GPR158: variants seen among roughly 807,000 people sequenced by gnomAD.
GPR158 encodes metabotropic glycine receptor.
Under a neutral mutation model 78.2 loss-of-function variants are expected in GPR158, and 30 were observed. That is an observed-to-expected ratio of 0.38 (90% confidence interval 0.29 to 0.52). The LOEUF (loss-of-function observed/expected upper bound fraction) is 0.52. Ranked by LOEUF, GPR158 falls within the 20% of genes least tolerant of loss-of-function variation. GPR158 has a pLI of 0.83. For synonymous variants in GPR158, 581 were observed against 591.1 expected, an observed-to-expected ratio of 0.98 and a Z score of 0.25; for missense variants, 1,463 against 1,523.5, an observed-to-expected ratio of 0.96 and a Z score of 0.66.
rs1224620006 is a variant in GPR158, at chr10:25,599,344, A to C, written c.*70A>C. The stretch of plus-strand genomic sequence containing the variant: ...ATGAGACAGAAGATATAAGAATCAA[A>C]TATTCCCAAGGAGGATTTGTCAATC... On this transcript the variant is annotated 3_prime_UTR_variant, in exon 11 of 11. Transcript: ENST00000376351. The C allele has an allele frequency of 1.7e-6, 2 of 1,160,672 alleles. No homozygotes were observed. The highest frequency in any genetic ancestry group is 3.1e-5 in the African/African-American group (2 of 63,744). The allele number at this position is 1,160,672 out of a possible 1,614,324, so 71.9% of individuals were successfully genotyped here.
At chr10:25,217,456 A>T (rs1369313899) in intron 1 of GPR158, among the ~76,000 whole-genome samples, 1 of 152,192 alleles carries the variant, frequency 6.6e-6, no homozygotes, top group African/African-American at 2.4e-5. Context: ...ATGTGTATTC[A>T]TGATTTTGTT....
At chr10:25,474,806 C>CTACTG (rs1835559771) in intron 5 of GPR158, among the ~76,000 whole-genome samples, 1 of 152,188 alleles carries the variant, frequency 6.6e-6, no homozygotes, top group South Asian at 2.1e-4. Flanking sequence ...AAACTAGTGC[C>CTACTG]TACTGTCCTG....
chr10:25,575,608 C>T (rs1332483805), intron 7 of GPR158, among the ~76,000 whole-genome samples: 5 of 152,220 alleles, frequency 3.3e-5, no homozygotes, highest in South Asian at 2.1e-4. Context: ...GCTGACTCCA[C>T]GGAGGGAGTC....
chr10:25,480,178 C>T (rs1385454292), intron 5 of GPR158, among the ~76,000 whole-genome samples: 1 of 152,026 alleles, frequency 6.6e-6, no homozygotes, highest in Non-Finnish European at 1.5e-5. Context: ...TGAGAATTAC[C>T]TACTTGAATC....
At chr10:25,430,228 G>A (rs1483742046) in intron 4 of GPR158, among the ~76,000 whole-genome samples, 2 of 151,972 alleles carry the variant, frequency 1.3e-5, no homozygotes, top group Non-Finnish European at 2.9e-5. Flanking sequence ...CAGACAAACA[G>A]AGAGCCAAAT....
At chr10:25,470,584 C>T (rs1310339644) in intron 5 of GPR158, among the ~76,000 whole-genome samples, 1 of 152,002 alleles carries the variant, frequency 6.6e-6, no homozygotes, top group Non-Finnish European at 1.5e-5. Context: ...TAAAGTCATC[C>T]ATATTAAGTT....
chr10:25,398,956 G>A (rs906887683), intron 3 of GPR158, among the ~76,000 whole-genome samples: 2 of 152,126 alleles, frequency 1.3e-5, no homozygotes, highest in South Asian at 2.1e-4. Flanking sequence ...GAACCAGGCC[G>A]CACAGCAGAA....
intron 4 of GPR158, among the ~76,000 whole-genome samples, chr10:25,434,257 A>T (rs891526426): frequency 1.3e-5 from 2 of 152,204 alleles, no homozygotes; most frequent in African/African-American, 4.8e-5. Context: ...AGAATGAGTA[A>T]AGTGATTATA....
intron 2 of GPR158, among the ~76,000 whole-genome samples, chr10:25,236,885 G>A (rs1053124492): frequency 6.6e-6 from 1 of 152,124 alleles, no homozygotes; most frequent in African/African-American, 2.4e-5. Context: ...TTTGTCAAAT[G>A]TGTATGCATG....
At chr10:25,455,800 A>G (rs1835283610) in intron 4 of GPR158, among the ~76,000 whole-genome samples, 1 of 152,214 alleles carries the variant, frequency 6.6e-6, no homozygotes, top group East Asian at 1.9e-4. Flanking sequence ...AATTTAGTGA[A>G]GCAAATGACT....
intron 5 of GPR158, among the ~76,000 whole-genome samples, chr10:25,516,392 A>G (rs1168834222): frequency 3.9e-5 from 6 of 151,978 alleles, no homozygotes; most frequent in Non-Finnish European, 5.9e-5. Flanking sequence ...CCATTTGTCA[A>G]TTTTGGCTTT....
intron 4 of GPR158, among the ~76,000 whole-genome samples, chr10:25,439,067 T>A (rs1219660751): frequency 6.6e-6 from 1 of 152,204 alleles, no homozygotes; most frequent in Non-Finnish European, 1.5e-5. Flanking sequence ...CTGGAAGGCC[T>A]GAAATATTTG....
At chr10:25,363,591 T>A (rs1369256394) in intron 2 of GPR158, among the ~76,000 whole-genome samples, 1 of 151,960 alleles carries the variant, frequency 6.6e-6, no homozygotes, top group Non-Finnish European at 1.5e-5. Flanking sequence ...AAAGATTTTA[T>A]AATCATAGAG....
At chr10:25,236,921 G>A (rs569718372) in intron 2 of GPR158, among the ~76,000 whole-genome samples, 3 of 152,102 alleles carry the variant, frequency 2.0e-5, no homozygotes, top group Admixed American at 6.5e-5. Context: ...GTATATAAAT[G>A]TATATGAAGT....
At chr10:25,285,954 C>T (rs1174246248) in intron 2 of GPR158, among the ~76,000 whole-genome samples, 2 of 152,108 alleles carry the variant, frequency 1.3e-5, no homozygotes. Flanking sequence ...GGTGGCATTC[C>T]ATTGTCTTCT....
At chr10:25,185,065 G>C (rs924168136) in intron 1 of GPR158, among the ~76,000 whole-genome samples, 1 of 152,200 alleles carries the variant, frequency 6.6e-6, no homozygotes, top group Non-Finnish European at 1.5e-5. Context: ...CACCCTGCCA[G>C]TGTGAAAACC....
intron 2 of GPR158, among the ~76,000 whole-genome samples, chr10:25,276,728 A>T (rs552429554): frequency 1.2e-4 from 19 of 152,248 alleles, no homozygotes; most frequent in African/African-American, 4.6e-4. Flanking sequence ...GAGCACAGAG[A>T]CCATTTTTAA....
chr10:25,447,308 A>G (rs1456274268), intron 4 of GPR158, among the ~76,000 whole-genome samples: 2 of 152,212 alleles, frequency 1.3e-5, no homozygotes, highest in Non-Finnish European at 2.9e-5. Flanking sequence ...ATAGCTTTTA[A>G]AATAAACTAA....
chr10:25,472,928 T>C (rs1288520724), intron 5 of GPR158, among the ~76,000 whole-genome samples: 2 of 152,174 alleles, frequency 1.3e-5, no homozygotes, highest in Non-Finnish European at 2.9e-5. Flanking sequence ...CCTCTTTTCC[T>C]AATTGAATAC....
Sources: allele counts gnomAD v4.1 joint callset (sites outside exome capture counted in the v4.1 genomes callset), GRCh38; gene constraint gnomAD v4.1.1; transcripts MANE v1.5; gene names NCBI Gene and HGNC (gene_info 2026-07-23, HGNC 2026-07-21).